Variants in SNX30 observed in about 807,000 individuals in gnomAD.
SNX30 encodes the protein sorting nexin-30.
A neutral mutation model predicts 46.4 loss-of-function variants in SNX30; 24 were observed. The ratio of observed to expected loss-of-function variants is 0.52; its 90% CI spans 0.37 to 0.73. The LOEUF is 0.73. Among genes scored for constraint, SNX30 ranks in the 30% least tolerant of loss-of-function variants. The pLI is 0.00. For synonymous variants in SNX30, 189 were observed against 211.5 expected, an observed-to-expected ratio of 0.89 and a Z score of 0.92; for missense variants, 533 against 555.7, an observed-to-expected ratio of 0.96 and a Z score of 0.41.
intron 1 of SNX30, among the ~76,000 whole-genome samples, chr9:112,785,487 G>A (rs547191779): frequency 9.2e-5 from 14 of 151,532 alleles, no homozygotes; most frequent in Admixed American, 4.0e-4. Flanking sequence ...TGGTTCAAGC[G>A]ATTCTCATGC....
chr9:112,819,402 G>T (rs567595952), intron 3 of SNX30, among the ~76,000 whole-genome samples: 139 of 152,038 alleles, frequency 9.1e-4, no homozygotes, highest in African/African-American at 2.9e-3. Context: ...GAGTAGCTGG[G>T]ATTACAGGTG....
chr9:112,854,352 T>C (rs1191452432), intron 7 of SNX30, among the ~76,000 whole-genome samples: 1 of 152,166 alleles, frequency 6.6e-6, no homozygotes, highest in African/African-American at 2.4e-5. Flanking sequence ...GCTGTGGAAA[T>C]CTTTGGCTGC....
intron 2 of SNX30, among the ~76,000 whole-genome samples, chr9:112,808,141 GAA>G (rs1327103597): frequency 6.6e-6 from 1 of 152,198 alleles, no homozygotes; most frequent in Non-Finnish European, 1.5e-5. Flanking sequence ...GAGAATGAGA[GAA>G]AGAGAACAAA....
At chr9:112,771,092 C>T (rs1038272616) in intron 1 of SNX30, among the ~76,000 whole-genome samples, 3 of 113,362 alleles carry the variant, frequency 2.6e-5, no homozygotes, top group Non-Finnish European at 3.7e-5. Flanking sequence ...AATCTTGCTT[C>T]GCAGAACTTA....
intron 4 of SNX30, among the ~76,000 whole-genome samples, chr9:112,834,314 G>A (rs879574688): frequency 3.3e-5 from 5 of 152,090 alleles, no homozygotes; most frequent in Admixed American, 1.3e-4. Context: ...TCCAGATCTC[G>A]GACCTTAAGT....
intron 7 of SNX30, among the ~76,000 whole-genome samples, chr9:112,861,959 T>C (rs557819010): frequency 6.7e-4 from 102 of 152,342 alleles, no homozygotes; most frequent in African/African-American, 2.5e-3. Flanking sequence ...CCTCAGTGTC[T>C]AGGCATGTTC....
At chr9:112,882,633 A>G (rs1841594573), downstream of SNX30, among the ~76,000 whole-genome samples, 1 of 152,026 alleles carries the variant, frequency 6.6e-6, no homozygotes, top group South Asian at 2.1e-4. Context: ...GAAAAGCATA[A>G]GTTTGAGACA....
intron 3 of SNX30, among the ~76,000 whole-genome samples, chr9:112,818,571 A>G (rs1013759398): frequency 6.6e-6 from 1 of 152,144 alleles, no homozygotes; most frequent in Non-Finnish European, 1.5e-5. Flanking sequence ...CTTTTGTTAA[A>G]AGTAGAAATA....
At chr9:112,840,910 GC>G (rs1840846707) in intron 6 of SNX30, among the ~76,000 whole-genome samples, 1 of 152,034 alleles carries the variant, frequency 6.6e-6, no homozygotes, top group Non-Finnish European at 1.5e-5. Context: ...CTCCTGAGCA[GC>G]TGGGACCACA....
At chr9:112,855,372 A>C (rs1841105952) in intron 7 of SNX30, among the ~76,000 whole-genome samples, 1 of 152,176 alleles carries the variant, frequency 6.6e-6, no homozygotes, top group Non-Finnish European at 1.5e-5. Context: ...TGGTATGGGC[A>C]TGGTCAGCAG....
At chr9:112,837,934 A>G (rs147952678) in intron 5 of SNX30, among the ~76,000 whole-genome samples, 9,564 of 121,788 alleles carry the variant, frequency 0.079, 410 homozygotes, top group Non-Finnish European at 0.1. Context: ...TTTGTTGCCC[A>G]GGCTAGAGTG....
intron 3 of SNX30, among the ~76,000 whole-genome samples, chr9:112,819,729 T>C (rs1337709058): frequency 1.3e-5 from 2 of 152,234 alleles, no homozygotes; most frequent in African/African-American, 2.4e-5. Context: ...TTTGTAGACT[T>C]GTCCCTCAGT....
chr9:112,827,159 A>C (rs1030702444), intron 3 of SNX30, among the ~76,000 whole-genome samples: 2 of 152,206 alleles, frequency 1.3e-5, no homozygotes, highest in Non-Finnish European at 2.9e-5. Flanking sequence ...TGAACACTGG[A>C]TGTCCCTGAA....
intron 1 of SNX30, among the ~76,000 whole-genome samples, chr9:112,758,611 G>T (rs1839388498): frequency 6.6e-6 from 1 of 152,114 alleles, no homozygotes; most frequent in African/African-American, 2.4e-5. Context: ...GGCCAGGTTG[G>T]TCTCGAACTC....
intron 1 of SNX30, among the ~76,000 whole-genome samples, chr9:112,796,602 G>A (rs995732226): frequency 6.6e-6 from 1 of 152,178 alleles, no homozygotes; most frequent in African/African-American, 2.4e-5. Flanking sequence ...GAGAAGCGGA[G>A]GGGGGAGGTC....
At chr9:112,776,950 A>G (rs1363762669) in intron 1 of SNX30, among the ~76,000 whole-genome samples, 1 of 151,440 alleles carries the variant, frequency 6.6e-6, no homozygotes, top group South Asian at 2.1e-4. Flanking sequence ...GGCACTCCAC[A>G]GTCCTTTGCT....
chr9:112,832,806 ATATATAT>A (rs1840687497), intron 4 of SNX30, among the ~76,000 whole-genome samples: 1 of 146,712 alleles, frequency 6.8e-6, no homozygotes, highest in South Asian at 2.1e-4. Context: ...ATTAGAAAAA[ATATATAT>A]TATATATTAA....
At chr9:112,789,496 A>G (rs945970338) in intron 1 of SNX30, among the ~76,000 whole-genome samples, 5 of 152,224 alleles carry the variant, frequency 3.3e-5, no homozygotes, top group Admixed American at 1.3e-4. Context: ...ATTTAAACAC[A>G]GATGCTATAT....
At chr9:112,881,114 T>C (rs1841571335) in intron 5 of SNX30, among the ~76,000 whole-genome samples, 1 of 152,238 alleles carries the variant, frequency 6.6e-6, no homozygotes, top group South Asian at 2.1e-4. Flanking sequence ...ATTATCTTAA[T>C]AAATGGATGC....
Sources: gnomAD v4.1 joint callset for allele counts (sites outside exome capture counted in the v4.1 genomes callset) on GRCh38, gnomAD v4.1.1 for gene constraint, MANE v1.5 for transcripts, NCBI Gene and HGNC (gene_info 2026-07-23, HGNC 2026-07-21) for gene names.